FRY: variants seen among roughly 807,000 people sequenced by gnomAD.
FRY encodes the protein FRY microtubule binding protein, also known as protein furry homolog.
A neutral mutation model predicts 348.4 loss-of-function variants in FRY; 128 were observed. That is an observed-to-expected ratio of 0.37 (90% CI 0.32 to 0.43). FRY has a LOEUF of 0.43. Ranked by LOEUF, FRY falls within the 20% of genes least tolerant of loss-of-function variation. The pLI is 1.00. For missense variants in FRY, 2,736 were observed against 3,695.2 expected (o/e 0.74, Z 6.73); for synonymous variants, 1,370 against 1,374.7 (o/e 1.00, Z 0.08).
chr13:32,081,700 C>T (rs992750870), intron 2 of FRY, among the ~76,000 whole-genome samples: 1 of 152,108 alleles, frequency 6.6e-6, no homozygotes, highest in Non-Finnish European at 1.5e-5. Flanking sequence ...CTGAAAAATG[C>T]TTAGTAATTT....
intron 4 of FRY, among the ~76,000 whole-genome samples, chr13:32,119,722 G>A (rs1036946097): frequency 1.3e-5 from 2 of 152,130 alleles, no homozygotes; most frequent in Non-Finnish European, 2.9e-5. Flanking sequence ...TAATGCAGCT[G>A]CATAGATTTT....
rs367574095 is a variant in FRY at position 32,149,794 on chromosome 13, G to A, written c.1439G>A (p.Cys480Tyr). The A allele has an allele frequency of 2.0e-5, 32 of 1,611,620 alleles. No individual in the cohort carries two copies. Among genetic ancestry groups the A allele is most frequent in the Non-Finnish European group, 2.5e-5 (30 of 1,177,856 alleles). Residue 480 changes from cysteine (C) to tyrosine (Y), a missense_variant, in exon 14 of 61, where the codon TGT (cysteine) becomes TAT (tyrosine). Cys to Tyr is a radical substitution (Grantham distance 194). Coordinates refer to ENST00000542859, the MANE Select transcript of FRY (RefSeq NM_023037.3). ...AMKEIIFDFLCVGKPAKAFSL... is the reference protein window; with the variant it reads ...AMKEIIFDFLYVGKPAKAFSL... ...AAAGAAATCATTTTCGATTTTCTTTGTGTGGGAAAACCAGCAAAAGCATTC... is the reference window on the plus strand; with the variant it reads ...AAAGAAATCATTTTCGATTTTCTTTATGTGGGAAAACCAGCAAAAGCATTC...
chr13:32,123,570 T>C (rs1878817043), intron 4 of FRY, among the ~76,000 whole-genome samples: 1 of 152,222 alleles, frequency 6.6e-6, no homozygotes, highest in Non-Finnish European at 1.5e-5. Flanking sequence ...TTCCTTACAT[T>C]GTTTAGCTCC....
intron 1 of FRY, among the ~76,000 whole-genome samples, chr13:32,035,649 G>A (rs1357412453): frequency 6.6e-6 from 1 of 151,762 alleles, no homozygotes; most frequent in East Asian, 1.9e-4. Context: ...AATGAATGAA[G>A]GTACATTCAG....
intron 31 of FRY, among the ~76,000 whole-genome samples, chr13:32,203,816 T>A (rs1884188204): frequency 1.3e-5 from 2 of 152,208 alleles, no homozygotes; most frequent in South Asian, 4.1e-4. Context: ...TCATCCTGTT[T>A]TTCCATCTCT....
At chr13:32,051,773 A>C (rs957926949) in intron 1 of FRY, among the ~76,000 whole-genome samples, 1 of 152,240 alleles carries the variant, frequency 6.6e-6, no homozygotes, top group Non-Finnish European at 1.5e-5. Flanking sequence ...TAATTTGCGA[A>C]GTATGAGGTG....
chr13:32,289,560 T>C (rs1442549479), intron 58 of FRY, 73 bp from the exon 59 acceptor site: 5 of 929,138 alleles, frequency 5.4e-6, no homozygotes, highest in African/African-American at 4.8e-5. Flanking sequence ...TTTGTCTCCA[T>C]TGAGATTTCA....
intron 1 of FRY, among the ~76,000 whole-genome samples, chr13:32,069,944 A>T (rs1013431624): frequency 6.9e-6 from 1 of 145,494 alleles, no homozygotes; most frequent in Non-Finnish European, 1.5e-5. Context: ...GTTCCCACCT[A>T]TGAGTGAGAA....
rs1395190218 is a variant in FRY, at chr13:32,297,515, A to G, written c.*2055A>G. On this transcript the variant is annotated 3_prime_UTR_variant, in exon 61 of 61. Coordinates refer to ENST00000542859, the MANE Select transcript of FRY (RefSeq NM_023037.3). ...TCTTAAAAAGGGAAGGAAAAAAAAAAAGGATTTCAACAGTACATTACAATC... is the reference window on the plus strand; with the variant it reads ...TCTTAAAAAGGGAAGGAAAAAAAAAGAGGATTTCAACAGTACATTACAATC... The G allele has an allele frequency of 6.6e-6, 1 of 152,184 alleles. No homozygotes were observed. Among genetic ancestry groups the G allele is most frequent in the Non-Finnish European group, 1.5e-5 (1 of 68,040 alleles). 9.4% of individuals were successfully genotyped at this position (152,184 alleles called of 1,614,324 possible). A position where few individuals can be genotyped will look rare whatever the true frequency, so the allele number is the denominator to read the frequency against.
chr13:32,251,018 T>C (rs140360094), intron 49 of FRY, among the ~76,000 whole-genome samples: 2 of 152,276 alleles, frequency 1.3e-5, no homozygotes, highest in East Asian at 3.9e-4. Context: ...CTCTATAATT[T>C]GGAAAGAAGG....
At position 32,297,531 on chromosome 13, in the gene FRY, C is replaced by T. The variant is rs935148411; in HGVS notation, c.*2071C>T. On this transcript the variant is annotated 3_prime_UTR_variant, in exon 61 of 61. Coordinates refer to ENST00000542859, the MANE Select transcript of FRY (RefSeq NM_023037.3). ...AAAAAAAAAAAGGATTTCAACAGTACATTACAATCCAAGATATTAACATAG... is the reference window on the plus strand; with the variant it reads ...AAAAAAAAAAAGGATTTCAACAGTATATTACAATCCAAGATATTAACATAG... 6.6e-6 allele frequency: 1 copy of T among 151,944 alleles called. No homozygotes were observed. Among genetic ancestry groups the T allele is most frequent in the Non-Finnish European group, 1.5e-5 (1 of 67,992 alleles). 9.4% of individuals were successfully genotyped at this position (151,944 alleles called of 1,614,324 possible).
At chr13:32,138,179 C>T (rs191344666) in intron 11 of FRY, among the ~76,000 whole-genome samples, 2 of 151,282 alleles carry the variant, frequency 1.3e-5, no homozygotes, top group East Asian at 1.9e-4. Context: ...ATAGCTCTAA[C>T]ATGTAGCCTA....
At chr13:32,242,910 T>C (rs968151682) in intron 46 of FRY, among the ~76,000 whole-genome samples, 2 of 152,242 alleles carry the variant, frequency 1.3e-5, no homozygotes, top group African/African-American at 4.8e-5. Flanking sequence ...ATCAACTTTT[T>C]ATCTTAAACA....
chr13:32,278,981 C>T (rs377137142), intron 58 of FRY, among the ~76,000 whole-genome samples: 2 of 152,044 alleles, frequency 1.3e-5, no homozygotes, highest in African/African-American at 4.8e-5. Context: ...GTGTGCCGTA[C>T]TATAAAGGAA....
At chr13:32,289,949 G>T (rs747017120) in intron 59 of FRY, among the ~76,000 whole-genome samples, 1 of 152,172 alleles carries the variant, frequency 6.6e-6, no homozygotes, top group Non-Finnish European at 1.5e-5. Flanking sequence ...TGGAAAGTGA[G>T]GTGCCTCAAA....
intron 11 of FRY, among the ~76,000 whole-genome samples, chr13:32,140,033 T>A (rs1593658672): frequency 6.6e-6 from 1 of 151,790 alleles, no homozygotes; most frequent in East Asian, 1.9e-4. Context: ...ATTTAAAAAT[T>A]TCTTATATTT....
chr13:32,166,037 G>A (rs758659321), intron 17 of FRY, among the ~76,000 whole-genome samples: 60 of 152,166 alleles, frequency 3.9e-4, no homozygotes, highest in Admixed American at 7.9e-4. Flanking sequence ...CTATGCATTC[G>A]CTTTCTGACG....
At chr13:32,110,157 TACTTTC>T (rs1877866195) in intron 3 of FRY, among the ~76,000 whole-genome samples, 1 of 152,214 alleles carries the variant, frequency 6.6e-6, no homozygotes, top group Non-Finnish European at 1.5e-5. Context: ...CTTTGAAGCT[TACTTTC>T]ACAAGCTAAG....
chr13:32,282,494 G>T (rs1888858030), intron 58 of FRY, among the ~76,000 whole-genome samples: 1 of 152,188 alleles, frequency 6.6e-6, no homozygotes. Flanking sequence ...CTTGAATAAA[G>T]ATATCAGTCT....
Sources: gnomAD v4.1 joint callset for allele counts (sites outside exome capture counted in the v4.1 genomes callset) on GRCh38, gnomAD v4.1.1 for gene constraint, MANE v1.5 for transcripts, NCBI Gene and HGNC (gene_info 2026-07-23, HGNC 2026-07-21) for gene names.